SYNE1: variants seen among roughly 807,000 people sequenced by gnomAD.
SYNE1 encodes nesprin-1.
In SYNE1, 616 loss-of-function variants were observed where a neutral mutation model predicts 1,111.0. That is an observed-to-expected ratio of 0.55 (90% CI 0.52 to 0.59). SYNE1 has a LOEUF of 0.59. SYNE1 is among the 20% of genes least tolerant of loss of function. The pLI is 0.00. For synonymous variants in SYNE1, 3,855 were observed against 3,825.8 expected, an observed-to-expected ratio of 1.01 and a Z score of -0.28; for missense variants, 10,006 against 10,417.0, an observed-to-expected ratio of 0.96 and a Z score of 1.72.
At chr6:152,241,352 C>CAGAG (rs1275752341) in intron 107 of SYNE1, among the ~76,000 whole-genome samples, 1 of 151,916 alleles carries the variant, frequency 6.6e-6, no homozygotes, top group East Asian at 1.9e-4. Flanking sequence ...TACAAGCCAC[C>CAGAG]AGAGAGCTAC....
chr6:152,265,767 G>A (rs1405863784), intron 100 of SYNE1, among the ~76,000 whole-genome samples: 4 of 151,876 alleles, frequency 2.6e-5, no homozygotes, highest in Non-Finnish European at 5.9e-5. Context: ...AGTAATCTTG[G>A]AAGGCACCCT....
intron 67 of SYNE1, 47 bp from the exon 68 acceptor site, chr6:152,353,791 G>A (rs1235366433): frequency 4.4e-6 from 7 of 1,608,492 alleles, no homozygotes; most frequent in African/African-American, 2.7e-5. Flanking sequence ...TTAGCCATTC[G>A]AATAAGCCAA....
At chr6:152,425,938 G>A (rs966401799) in intron 38 of SYNE1, among the ~76,000 whole-genome samples, 8 of 152,174 alleles carry the variant, frequency 5.3e-5, no homozygotes, top group African/African-American at 1.9e-4. Flanking sequence ...AAAAACTATT[G>A]CCGGAGAGAC....
chr6:152,435,166 AT>A (rs1180185693), intron 33 of SYNE1: 1 of 152,138 alleles, frequency 6.6e-6, no homozygotes, highest in Admixed American at 6.5e-5. Context: ...TTAAAAACAC[AT>A]TTTACATTTT....
intron 23 of SYNE1, 93 bp from the exon 24 acceptor site, chr6:152,455,683 G>A: frequency 6.5e-7 from 1 of 1,534,642 alleles, no homozygotes. Flanking sequence ...AAAAGCACTT[G>A]GAAAAAAGAC....
intron 66 of SYNE1, among the ~76,000 whole-genome samples, chr6:152,356,856 A>G (rs1471087762): frequency 6.6e-6 from 1 of 152,194 alleles, no homozygotes; most frequent in Non-Finnish European, 1.5e-5. Flanking sequence ...GCTTAAGTGA[A>G]ATATTTTCTT....
In SYNE1 at chr6:152,339,288, C is replaced by T. The variant is rs1563187559; in HGVS notation, c.12304G>A (p.Ala4102Thr). The T allele has an allele frequency of 6.2e-7, 1 of 1,614,052 alleles. No homozygotes were observed. The highest frequency in any genetic ancestry group is 1.7e-5 in the Admixed American group (1 of 60,016). Reference protein sequence around the residue: ...LLCSMCDLSNASVKTTAKDIQ... With the variant: ...LLCSMCDLSNTSVKTTAKDIQ... ...TCTTTTGCTGTGGTTTTCACCGAAG[C>T]ATTTGACAGGTCACACATGGAGCAA... Residue 4102 changes from alanine to threonine, a missense_variant, in exon 75 of 146, where the codon GCT (alanine) becomes ACT (threonine). Physicochemically the swap from Ala to Thr is moderately conservative, Grantham distance 58 (BLOSUM62 0). This residue lies in a region of SYNE1 where 4,955 missense variants were observed against 5,017.2 expected (regional missense o/e 0.99). Coordinates refer to ENST00000367255, the MANE Select transcript of SYNE1 (RefSeq NM_182961.4).
intron 123 of SYNE1, among the ~76,000 whole-genome samples, chr6:152,212,542 G>C (rs1158347221): frequency 2.6e-5 from 4 of 152,022 alleles, no homozygotes; most frequent in African/African-American, 9.7e-5. Context: ...GGACATTTGG[G>C]TTGTCTCCAC....
Position 152,317,107 on chromosome 6 carries a change from T to C in SYNE1, c.16573-121A>G, listed in dbSNP as rs978642795. ...GGGTTGATCATTATAATACCTATGA[T>C]ATTCAATGGTATCAAAAGATCGTTT... is the stretch of plus-strand genomic sequence containing the variant. On this transcript the variant is annotated intron_variant, in intron 86 of 145. Transcript: ENST00000367255. 4.6e-5 allele frequency: 48 copies of C among 1,050,382 alleles called. 1 individual carries two copies. Among genetic ancestry groups the C allele is most frequent in the Middle Eastern group, 6.0e-4 (2 of 3,342 alleles). 65.1% of individuals were successfully genotyped at this position (1,050,382 alleles called of 1,614,324 possible). A position where few individuals can be genotyped will look rare whatever the true frequency, so the allele number is the denominator to read the frequency against.
intron 121 of SYNE1, among the ~76,000 whole-genome samples, chr6:152,216,210 C>A (rs968190625): frequency 1.3e-5 from 2 of 152,160 alleles, no homozygotes; most frequent in Admixed American, 1.3e-4. Flanking sequence ...TGTTAAATGG[C>A]ATAATGTCCA....
chr6:152,435,982 G>A lies in SYNE1; in HGVS notation c.4269C>T (p.Ile1423=). The change falls in exon 33 of 146, where the codon ATC becomes ATT. Residue 1423 remains isoleucine, a synonymous_variant. Coordinates refer to ENST00000367255, the MANE Select transcript of SYNE1 (RefSeq NM_182961.4). The part of the protein sequence containing the change: ...KQLLQQQAKS[I]KEQVKKLEDT... ...CTTCTAATTTTTTGACTTGTTCTTTGATTGACTTGGCCTGCTGTTGAAGCA... is the reference window on the plus strand; with the variant it reads ...CTTCTAATTTTTTGACTTGTTCTTTAATTGACTTGGCCTGCTGTTGAAGCA... The A allele has an allele frequency of 6.2e-7, 1 of 1,614,034 alleles. No individual in the cohort carries two copies. The highest frequency in any genetic ancestry group is 8.5e-7 in the Non-Finnish European group (1 of 1,179,984).
At chr6:152,239,805 T>A in intron 107 of SYNE1, 99 bp from the exon 108 acceptor site, 2 of 1,311,362 alleles carry the variant, frequency 1.5e-6, no homozygotes, top group Non-Finnish European at 2.2e-6. Context: ...ACGCCTGTAA[T>A]CCCAACAGTT....
chr6:152,322,297 G>A (rs551512643), intron 82 of SYNE1, among the ~76,000 whole-genome samples: 6 of 152,126 alleles, frequency 3.9e-5, no homozygotes, highest in Admixed American at 2.0e-4. Context: ...AATTAATCAC[G>A]TTAATAATGT....
intron 3 of SYNE1, among the ~76,000 whole-genome samples, chr6:152,549,464 G>A (rs2099329703): frequency 6.6e-6 from 1 of 152,106 alleles, no homozygotes; most frequent in Non-Finnish European, 1.5e-5. Context: ...CGGTGGGAGT[G>A]GAGGGGTCCT....
At chr6:152,371,618 G>A (rs1473181803) in intron 59 of SYNE1, among the ~76,000 whole-genome samples, 1 of 110,780 alleles carries the variant, frequency 9.0e-6, no homozygotes, top group Non-Finnish European at 1.9e-5. Context: ...GAAAGGGAGG[G>A]GAGGAGAGGG....
chr6:152,317,247 T>TC (rs1436990087), intron 86 of SYNE1, among the ~76,000 whole-genome samples: 39 of 151,468 alleles, frequency 2.6e-4, no homozygotes, highest in Non-Finnish European at 4.4e-4. Flanking sequence ...TTTTTTTTTT[T>TC]TCCAAGGTCT....
chr6:152,343,993 A>G, intron 74 of SYNE1, 88 bp downstream of exon 74: 1 of 1,566,020 alleles, frequency 6.4e-7, no homozygotes, highest in Non-Finnish European at 8.8e-7. Flanking sequence ...GAGTCAATAC[A>G]GTTTGGCACA....
intron 72 of SYNE1, among the ~76,000 whole-genome samples, chr6:152,349,600 G>A (rs1200908764): frequency 6.6e-6 from 1 of 152,184 alleles, no homozygotes. Context: ...GAAGTTCAAC[G>A]CGAGGATTCA....
At chr6:152,299,792 G>T (rs374436213) in intron 93 of SYNE1, among the ~76,000 whole-genome samples, 1 of 151,944 alleles carries the variant, frequency 6.6e-6, no homozygotes, top group East Asian at 1.9e-4. Context: ...TATAATACAG[G>T]TTATAAAACA....
Sources: gnomAD v4.1 joint callset for allele counts (sites outside exome capture counted in the v4.1 genomes callset) on GRCh38, gnomAD v4.1.1 for gene constraint, gnomAD v4.1.1 regional missense constraint, MANE v1.5 for transcripts, NCBI Gene and HGNC (gene_info 2026-07-23, HGNC 2026-07-21) for gene names.